Variants in TBXAS1 observed in about 807,000 individuals in gnomAD.
TBXAS1 encodes thromboxane A synthase 1.
A neutral mutation model predicts 60.7 loss-of-function variants in TBXAS1; 48 were observed. That is an observed-to-expected ratio of 0.79 (90% CI 0.63 to 1.01). TBXAS1 has a LOEUF of 1.01. Among genes scored for constraint, TBXAS1 ranks in the 50% least tolerant of loss-of-function variants. The probability of loss-of-function intolerance (pLI) is 0.00; values close to 1 mark genes in which losing one functional copy is unlikely to be tolerated. For missense variants in TBXAS1, 685 were observed against 686.3 expected, an observed-to-expected ratio of 1.00 and a Z score of 0.02; for synonymous variants, 287 against 269.7, an observed-to-expected ratio of 1.06 and a Z score of -0.63.
chr7:139,993,196 G>A (rs1813050339), intron 9 of TBXAS1, among the ~76,000 whole-genome samples: 1 of 151,906 alleles, frequency 6.6e-6, no homozygotes, highest in Non-Finnish European at 1.5e-5. Flanking sequence ...ACATAAATGG[G>A]AAGTCATATC....
chr7:139,898,185 AC>A (rs1472729788), intron 3 of TBXAS1, among the ~76,000 whole-genome samples: 1 of 152,070 alleles, frequency 6.6e-6, no homozygotes. Context: ...AGTAGCGTCT[AC>A]CCCTTTCCTC....
At chr7:139,903,461 G>A (rs752854772) in intron 3 of TBXAS1, among the ~76,000 whole-genome samples, 1 of 152,042 alleles carries the variant, frequency 6.6e-6, no homozygotes, top group Non-Finnish European at 1.5e-5. Context: ...TAGATACCCA[G>A]TAGTGGGATT....
chr7:139,957,924 G>T (rs1281688866), intron 8 of TBXAS1, among the ~76,000 whole-genome samples, 160 bp downstream of exon 8: 1 of 152,098 alleles, frequency 6.6e-6, no homozygotes, highest in East Asian at 1.9e-4. Flanking sequence ...AGAGAACAGA[G>T]GAAGGTTGAG....
chr7:139,967,243 C>A (rs1810860337), intron 9 of TBXAS1, among the ~76,000 whole-genome samples: 1 of 152,252 alleles, frequency 6.6e-6, no homozygotes, highest in Admixed American at 6.5e-5. Flanking sequence ...TCCCTCCACC[C>A]TGTCATGTCT....
chr7:139,829,261 C>A, upstream of TBXAS1: 1 of 785,766 alleles, frequency 1.3e-6, no homozygotes, highest in South Asian at 1.5e-5. Context: ...ATTGTGGGGG[C>A]CCACTCCATG....
In TBXAS1 at chr7:139,814,566, A is replaced by G. The variant is rs373583070; in HGVS notation, c.-79-14746A>G. ...AAGGCCTCATACAAGGTGGGAAAAT[A>G]TAGTTCTCTGGAGTTCCAATGAGAG... is the stretch of plus-strand genomic sequence containing the variant. On this transcript the variant is annotated intron_variant, in intron 4 of 16. Coordinates refer to the TBXAS1 transcript ENST00000336425. Among the ~76,000 whole-genome samples the G allele has an allele frequency of 5.9e-5, 9 of 152,188 alleles. No homozygotes were observed. The East Asian group carries it at 1.2e-3, about 20-fold the overall frequency.
intron 9 of TBXAS1, among the ~76,000 whole-genome samples, chr7:139,972,231 ATGT>A (rs1569521136): frequency 5.9e-5 from 9 of 152,216 alleles, no homozygotes; most frequent in Non-Finnish European, 1.3e-4. Context: ...ACCAATCAGC[ATGT>A]ATGTGGTGTC....
chr7:139,784,242 T>C (rs1028103935), intron 3 of TBXAS1, among the ~76,000 whole-genome samples: 1 of 149,612 alleles, frequency 6.7e-6, no homozygotes, highest in Non-Finnish European at 1.5e-5. Context: ...CTCTCTCTCT[T>C]CCTTCCTTCC....
chr7:139,952,291 G>C lies in TBXAS1; in HGVS notation c.451-1077G>C, dbSNP rs1364706543. ...CATAATCAGTACGATGCCATGATTC[G>C]TTCATTCACTTAACAAATAATTACT... On this transcript the variant is annotated intron_variant, in intron 5 of 12. Transcript: ENST00000448866. 2.0e-5 allele frequency among the ~76,000 whole-genome samples: 3 copies of C among 152,138 alleles called. No homozygotes were observed. The East Asian group carries it at 5.8e-4, about 29-fold the overall frequency.
At chr7:139,936,455 T>C (rs1184175388) in intron 5 of TBXAS1, 148 bp downstream of exon 5, 2 of 825,238 alleles carry the variant, frequency 2.4e-6, no homozygotes, top group Non-Finnish European at 4.2e-6. Context: ...CTCTCTGTTA[T>C]GCAGAAAGCA....
chr7:139,959,363 A>C (rs1262406172), intron 8 of TBXAS1, among the ~76,000 whole-genome samples: 1 of 152,202 alleles, frequency 6.6e-6, no homozygotes, highest in Non-Finnish European at 1.5e-5. Context: ...TAAAAGGTAA[A>C]TATTTTTCTA....
chr7:139,957,465 G>T, intron 7 of TBXAS1, 169 bp from the exon 8 acceptor site: 1 of 785,590 alleles, frequency 1.3e-6, no homozygotes, highest in East Asian at 2.6e-5. Context: ...AGTACCGAGA[G>T]GGAGTGAGAC....
intron 4 of TBXAS1, among the ~76,000 whole-genome samples, chr7:139,789,846 G>A (rs537924999): frequency 2.0e-5 from 3 of 152,180 alleles, no homozygotes; most frequent in Admixed American, 6.5e-5. Context: ...GGCCAGGCTG[G>A]TCTTAAACTC....
chr7:139,940,525 G>A (rs890011121), intron 5 of TBXAS1, among the ~76,000 whole-genome samples: 4 of 152,136 alleles, frequency 2.6e-5, no homozygotes, highest in East Asian at 3.9e-4. Flanking sequence ...GAGAGCCAGC[G>A]TGGAAAGCCC....
chr7:139,944,171 C>T (rs532531236), intron 5 of TBXAS1, among the ~76,000 whole-genome samples: 48 of 152,312 alleles, frequency 3.2e-4, no homozygotes, highest in African/African-American at 1.2e-3. Flanking sequence ...TCAGAAGCCA[C>T]TTTGGCAGGG....
chr7:139,848,737 T>A (rs1346484861), intron 1 of TBXAS1, among the ~76,000 whole-genome samples: 1 of 152,190 alleles, frequency 6.6e-6, no homozygotes, highest in Non-Finnish European at 1.5e-5. Flanking sequence ...CACATTCTAT[T>A]GGCTAAGCAA....
chr7:139,826,530 G>A (rs1329704046), upstream of TBXAS1, among the ~76,000 whole-genome samples: 2 of 152,196 alleles, frequency 1.3e-5, no homozygotes, highest in Non-Finnish European at 2.9e-5. Context: ...ATTTGTGGCT[G>A]TAACTCATCT....
At chr7:139,992,810 A>T (rs1813017886) in intron 9 of TBXAS1, among the ~76,000 whole-genome samples, 2 of 152,336 alleles carry the variant, frequency 1.3e-5, no homozygotes, top group South Asian at 4.1e-4. Context: ...GAAGTCGCTG[A>T]AGGCATCTCC....
intron 3 of TBXAS1, among the ~76,000 whole-genome samples, chr7:139,888,794 G>A (rs561904174): frequency 6.6e-6 from 1 of 152,196 alleles, no homozygotes; most frequent in South Asian, 2.1e-4. Flanking sequence ...TGATGTTTGG[G>A]GCACAAGTAG....
Sources: gnomAD v4.1 joint callset for allele counts (sites outside exome capture counted in the v4.1 genomes callset) on GRCh38, gnomAD v4.1.1 for gene constraint, MANE v1.5 for transcripts, NCBI Gene and HGNC (gene_info 2026-07-23, HGNC 2026-07-21) for gene names.